Variants in LRCH4 observed in about 807,000 individuals in gnomAD.
LRCH4 encodes leucine-rich repeat and calponin homology domain-containing protein 4.
LRCH4 carries 56 observed loss-of-function variants against 81.2 expected under a neutral mutation model. The ratio of observed to expected loss-of-function variants is 0.69; its 90% confidence interval spans 0.56 to 0.86. LRCH4 has a LOEUF of 0.86. LRCH4 is among the 40% of genes least tolerant of loss of function. The pLI is 0.00. For missense variants in LRCH4, 895 were observed against 922.8 expected (o/e 0.97, Z 0.39); for synonymous variants, 442 against 409.7 (o/e 1.08, Z -0.95).
At position 100,575,559 on chromosome 7, in the gene LRCH4, A is replaced by T. The variant is rs566069629; in HGVS notation, c.1854+146T>A. Reference sequence around the variant, plus strand: ...GTGACATGCAGGGCAGGGGGCATGCAGGGCAGGGGGCATGCTGGGCAGGGC... The same window carrying T: ...GTGACATGCAGGGCAGGGGGCATGCTGGGCAGGGGGCATGCTGGGCAGGGC... On this transcript the variant is annotated intron_variant, in intron 17 of 17. Transcript: ENST00000310300. The surrounding 1 kb of genome is among the most constrained non-coding windows in gnomAD (Gnocchi z 5.3). 1 of 1,015,946 alleles carries T rather than the reference A, an allele frequency of 9.8e-7. No homozygotes were observed. The highest frequency in any genetic ancestry group is 1.3e-5 in the South Asian group (1 of 78,714). The allele number at this position is 1,015,946 out of a possible 1,614,324, so 62.9% of individuals were successfully genotyped here.
At position 100,586,118 on chromosome 7, in the gene LRCH4, C is replaced by A. The variant is rs946286121; in HGVS notation, c.-18G>T. 5 of 1,504,404 alleles carry A rather than the reference C, an allele frequency of 3.3e-6. No homozygotes were observed. The African/African-American group carries it at 4.2e-5, about 13-fold the overall frequency. The allele number at this position is 1,504,404 out of a possible 1,614,324, so 93.2% of individuals were successfully genotyped here. A position where few individuals can be genotyped will look rare whatever the true frequency, so the allele number is the denominator to read the frequency against. ...GCCGCCATCCGCTCCCGGCGGCTCC[C>A]GCTGCCTGACTGACGGGACCGGCCG... On this transcript the variant is annotated 5_prime_UTR_variant, in exon 1 of 18. Transcript: ENST00000310300.
chr7:100,576,791 C>A lies in LRCH4; in HGVS notation c.1469-14G>T. On this transcript the variant is annotated splice_polypyrimidine_tract_variant and intron_variant, in intron 13 of 17. Coordinates refer to ENST00000310300, the MANE Select transcript of LRCH4 (RefSeq NM_002319.5). ...CAGGTGCTGTCGCTGGGGCCGGAAC[C>A]AGGGACACAGCGACAGGGGCAGGTG... The A allele has an allele frequency of 6.3e-7, 1 of 1,576,986 alleles. No individual in the cohort carries two copies. Among genetic ancestry groups the A allele is most frequent in the Non-Finnish European group, 8.6e-7 (1 of 1,160,210 alleles).
At chr7:100,579,820 G>A (rs1374033625) in intron 4 of LRCH4, 1 of 152,168 alleles carries the variant, frequency 6.6e-6, no homozygotes, top group African/African-American at 2.4e-5. Context: ...CATCTTTCAA[G>A]GTTCAGCTCA....
chr7:100,574,632 GCACACA>G lies in LRCH4; in HGVS notation c.*469_*474del. 1 of 150,404 alleles carries G rather than the reference GCACACA, an allele frequency of 6.6e-6. No individual in the cohort carries two copies. The allele number at this position is 150,404 out of a possible 1,614,324, so 9.3% of individuals were successfully genotyped here. ...ACGCGGAGCAGACGCGCGCGCGCGCGCACACACACACACACAGGCAGGGCGGCCACG... is the reference window on the plus strand; with the variant it reads ...ACGCGGAGCAGACGCGCGCGCGCGCGCACACACACAGGCAGGGCGGCCACG... On this transcript the variant is annotated 3_prime_UTR_variant, in exon 18 of 18. Coordinates refer to ENST00000310300, the MANE Select transcript of LRCH4 (RefSeq NM_002319.5).
At position 100,585,875 on chromosome 7, in the gene LRCH4, A is replaced by G. The variant is rs1242771764; in HGVS notation, c.220+6T>C. 3 of 1,592,140 alleles carry G rather than the reference A, an allele frequency of 1.9e-6. No individual in the cohort carries two copies. Among genetic ancestry groups the G allele is most frequent in the Admixed American group, 1.7e-5 (1 of 58,776 alleles). The stretch of plus-strand genomic sequence containing the variant: ...CCGGTTGGGCCCGGGGCCCGGCTGC[A>G]CTCACCAGCCTGGGTGATGTCTGAC... On this transcript the variant is annotated splice_donor_region_variant and intron_variant, in intron 1 of 17. Transcript: ENST00000310300.
At chr7:100,579,520 C>T (rs1426525271) in intron 4 of LRCH4, 1 of 150,030 alleles carries the variant, frequency 6.7e-6, no homozygotes, top group Non-Finnish European at 1.5e-5. Context: ...TGGCGTGAAC[C>T]TGGGAGGCGG....
chr7:100,576,848 C>G, intron 13 of LRCH4, 54 bp downstream of exon 13: 1 of 1,538,402 alleles, frequency 6.5e-7, no homozygotes, highest in Middle Eastern at 1.7e-4. Context: ...CCCTCTCTCC[C>G]AACCAGCCCT....
In LRCH4 at chr7:100,582,753, C is replaced by CT. The variant is rs2131213997; in HGVS notation, c.221-295dup. On this transcript the variant is annotated intron_variant, in intron 1 of 17. Coordinates refer to ENST00000310300, the MANE Select transcript of LRCH4 (RefSeq NM_002319.5). This position sits in a 1 kb window ranked among gnomAD's most constrained non-coding sequence, Gnocchi z 5.0. The stretch of plus-strand genomic sequence containing the variant: ...CTATCCTGGAGAGCAGCTGGAATCT[C>CT]TAACTCCTGTGGTTCCTGTTCAGAG... Among the ~76,000 whole-genome samples the CT allele has an allele frequency of 6.6e-6, 1 of 152,328 alleles. No homozygotes were observed. The highest frequency in any genetic ancestry group is 1.5e-5 in the Non-Finnish European group (1 of 68,022).
In LRCH4 at chr7:100,581,779, T is replaced by TCGGGCAGCGTA; in HGVS notation, c.585_595dup (p.Glu199ValfsTer32). The TCGGGCAGCGTA allele has an allele frequency of 1.2e-6, 2 of 1,614,054 alleles. No homozygotes were observed. Among genetic ancestry groups the TCGGGCAGCGTA allele is most frequent in the Non-Finnish European group, 1.7e-6 (2 of 1,179,912 alleles). On this transcript the variant is annotated frameshift_variant, in exon 4 of 18. Coordinates refer to ENST00000310300, the MANE Select transcript of LRCH4 (RefSeq NM_002319.5). LOFTEE classifies it high-confidence loss of function. ...CTCCAGTTCTTCATTCTTCTCACCT[T>TCGGGCAGCGTA]CGGGCAGCGTACTGAGCTGGTTCCT...
In LRCH4 at chr7:100,582,958, G is replaced by A. The variant is rs1410280395; in HGVS notation, c.221-499C>T. 6.6e-6 allele frequency among the ~76,000 whole-genome samples: 1 copy of A among 152,178 alleles called. No individual in the cohort carries two copies. The highest frequency in any genetic ancestry group is 1.5e-5 in the Non-Finnish European group (1 of 68,028). ...CTACTCCAGTGTGTTTTCAACACGG[G>A]AAAAACCACAGGTCACTCTATCTTG... is the stretch of plus-strand genomic sequence containing the variant. On this transcript the variant is annotated intron_variant, in intron 1 of 17. Coordinates refer to ENST00000310300, the MANE Select transcript of LRCH4 (RefSeq NM_002319.5). This position sits in a 1 kb window ranked among gnomAD's most constrained non-coding sequence, Gnocchi z 5.0.
chr7:100,578,427 G>C lies in LRCH4; in HGVS notation c.820C>G (p.Pro274Ala). ...GGACTGAAACTCGGGGGCCGAGAAG[G>C]GGCCAGGTCCCCCAGGGCCGACCCA... ...QRGSALGDLA[P>A]SRPPSFSPCP... Residue 274 changes from proline to alanine, a missense_variant, in exon 6 of 18, where the codon CCT becomes GCT. By Grantham distance (27) the Pro-to-Ala change is conservative (BLOSUM62 -1). Around this residue, in one of 3 missense-constraint regions of LRCH4, gnomAD observed 360 missense variants for 397.0 expected, o/e 0.91. Coordinates refer to ENST00000310300, the MANE Select transcript of LRCH4 (RefSeq NM_002319.5). The surrounding 1 kb of genome is among the most constrained non-coding windows in gnomAD (Gnocchi z 5.7). 6.2e-7 allele frequency: 1 copy of C among 1,613,940 alleles called. No individual in the cohort carries two copies. The highest frequency in any genetic ancestry group is 8.5e-7 in the Non-Finnish European group (1 of 1,179,942).
rs368611886 is a variant in LRCH4, at chr7:100,577,839, C to G, written c.1022G>C (p.Arg341Pro). 1 of 1,613,134 alleles carries G rather than the reference C, an allele frequency of 6.2e-7. No homozygotes were observed. The highest frequency in any genetic ancestry group is 1.1e-5 in the South Asian group (1 of 91,022). ...CTACTCACCTGAGCCATCCTCCTTG[C>G]GTTCTCTGGGTCCCCGGGGCTCCCG... ...LAREPRGPRE[R>P]KEDGSADGDP... The change falls in exon 8 of 18, where the codon CGC (arginine) becomes CCC (proline). Residue 341 changes from arginine (R) to proline (P), a missense_variant. By Grantham distance (103) the Arg-to-Pro change is moderately radical. Around this residue, in one of 3 missense-constraint regions of LRCH4, gnomAD observed 529 missense variants for 504.9 expected, o/e 1.05. Coordinates refer to ENST00000310300, the MANE Select transcript of LRCH4 (RefSeq NM_002319.5). This position sits in a 1 kb window ranked among gnomAD's most constrained non-coding sequence, Gnocchi z 6.7.
chr7:100,574,634 A>ACG lies in LRCH4; in HGVS notation c.*472_*473insCG. On this transcript the variant is annotated 3_prime_UTR_variant, in exon 18 of 18. Transcript: ENST00000310300. ...GCGGAGCAGACGCGCGCGCGCGCGCACACACACACACACAGGCAGGGCGGC... is the reference window on the plus strand; with the variant it reads ...GCGGAGCAGACGCGCGCGCGCGCGCACGCACACACACACACAGGCAGGGCGGC... 6.9e-6 allele frequency: 1 copy of ACG among 145,914 alleles called. No individual in the cohort carries two copies. The highest frequency in any genetic ancestry group is 6.6e-5 in the Admixed American group (1 of 15,114). 9.0% of individuals were successfully genotyped at this position (145,914 alleles called of 1,614,324 possible).
At chr7:100,576,117 G>A (rs767559233) in intron 15 of LRCH4, 109 bp from the exon 16 acceptor site, 68 of 1,475,326 alleles carry the variant, frequency 4.6e-5, no homozygotes, top group Non-Finnish European at 6.0e-5. Flanking sequence ...GTCCCTTCCT[G>A]TCCTCAGGGG....
In LRCH4 at chr7:100,583,028, C is replaced by T. The variant is rs1463199674; in HGVS notation, c.221-569G>A. Among the ~76,000 whole-genome samples, 4 of 152,148 alleles carry T rather than the reference C, an allele frequency of 2.6e-5. No homozygotes were observed. Among genetic ancestry groups the T allele is most frequent in the African/African-American group, 9.7e-5 (4 of 41,434 alleles). On this transcript the variant is annotated intron_variant, in intron 1 of 17. Transcript: ENST00000310300. This position sits in a 1 kb window ranked among gnomAD's most constrained non-coding sequence, Gnocchi z 4.3. ...CGACACCGGACGAGTTTTTCGCCAG[C>T]CCCAAGGACCAGCAAGCCAGGTCCA... is the stretch of plus-strand genomic sequence containing the variant.
Position 100,575,724 on chromosome 7 carries a change from C to T in LRCH4, c.1835G>A (p.Arg612Gln), listed in dbSNP as rs769864680. ...KNVESFLEAC[R>Q]KMGVPEADLC... ...CCATACCTCAGGCACCCCCATTTTT[C>T]GACAGGCTTCTAGAAAACTCTCCAC... Residue 612 changes from arginine (R) to glutamine (Q), a missense_variant, in exon 17 of 18, where the codon CGA (arginine) becomes CAA (glutamine). Around this residue, in one of 3 missense-constraint regions of LRCH4, gnomAD observed 529 missense variants for 504.9 expected, o/e 1.05. Coordinates refer to ENST00000310300, the MANE Select transcript of LRCH4 (RefSeq NM_002319.5). This position sits in a 1 kb window ranked among gnomAD's most constrained non-coding sequence, Gnocchi z 5.3. 1.6e-5 allele frequency: 26 copies of T among 1,613,840 alleles called. No homozygotes were observed. The highest frequency in any genetic ancestry group is 5.3e-5 in the African/African-American group (4 of 74,900).
Position 100,578,675 on chromosome 7 carries a change from T to C in LRCH4, c.710A>G (p.Asn237Ser), listed in dbSNP as rs375534637. The change falls in exon 5 of 18, where the codon AAC becomes AGC. Residue 237 changes from asparagine (N) to serine (S), a missense_variant. By Grantham distance (46) the Asn-to-Ser change is conservative. Transcript: ENST00000310300. This position sits in a 1 kb window ranked among gnomAD's most constrained non-coding sequence, Gnocchi z 5.7. The part of the protein sequence containing the change: ...RHLQVILLDS[N>S]PLQSPPAQVC... ...CTGGGCAGGTGGACTCTGCAGAGGGTTGCTGTCCAGCAGAATGACCTGCAG... is the reference window on the plus strand; with the variant it reads ...CTGGGCAGGTGGACTCTGCAGAGGGCTGCTGTCCAGCAGAATGACCTGCAG... 6.2e-7 allele frequency: 1 copy of C among 1,613,868 alleles called. No homozygotes were observed. Among genetic ancestry groups the C allele is most frequent in the Non-Finnish European group, 8.5e-7 (1 of 1,179,974 alleles).
chr7:100,581,680 T>A, intron 4 of LRCH4, 97 bp downstream of exon 4: 1 of 983,700 alleles, frequency 1.0e-6, no homozygotes, highest in Middle Eastern at 2.1e-4. Flanking sequence ...GCCTGCCATG[T>A]ATAAGCTACC....
rs1801393436 is a variant in LRCH4 at position 100,577,232 on chromosome 7, C to T, written c.1295+41G>A. 1 of 1,607,016 alleles carries T rather than the reference C, an allele frequency of 6.2e-7. No homozygotes were observed. The highest frequency in any genetic ancestry group is 1.3e-5 in the African/African-American group (1 of 74,902). ...GGGCTCGGTGGCCCCATTTCCAGGG[C>T]TCAGTGTCCAGCAACAGCCCCGGGC... On this transcript the variant is annotated intron_variant, in intron 11 of 17. Transcript: ENST00000310300. The surrounding 1 kb of genome is among the most constrained non-coding windows in gnomAD (Gnocchi z 6.7).
Sources: gnomAD v4.1 joint callset for allele counts (sites outside exome capture counted in the v4.1 genomes callset) on GRCh38, gnomAD v4.1.1 for gene constraint, gnomAD v4.1.1 regional missense constraint, Gnocchi (gnomAD v3.1) non-coding constraint, MANE v1.5 for transcripts, NCBI Gene and HGNC (gene_info 2026-07-23, HGNC 2026-07-21) for gene names.